DOCK3: variants seen among roughly 807,000 people sequenced by gnomAD.
DOCK3 encodes dedicator of cytokinesis protein 3.
In DOCK3, 60 loss-of-function variants were observed where a neutral mutation model predicts 265.6. The observed-to-expected ratio is 0.23, with a 90% CI of 0.18 to 0.28. The LOEUF is 0.28. DOCK3 is among the 10% of genes least tolerant of loss of function. The pLI, the probability that DOCK3 is intolerant of heterozygous loss-of-function variation, is 1.00. For synonymous variants in DOCK3, 881 were observed against 938.0 expected, an observed-to-expected ratio of 0.94 and a Z score of 1.11; for missense variants, 1,981 against 2,594.3, an observed-to-expected ratio of 0.76 and a Z score of 5.14.
intron 3 of DOCK3, among the ~76,000 whole-genome samples, chr3:50,854,133 T>G (rs569765456): frequency 6.6e-6 from 1 of 152,246 alleles, no homozygotes; most frequent in East Asian, 1.9e-4. Flanking sequence ...TCTATTCATG[T>G]CCTCTGCTCA....
intron 2 of DOCK3, among the ~76,000 whole-genome samples, chr3:50,820,150 G>A (rs1230640242): frequency 2.0e-5 from 3 of 152,146 alleles, no homozygotes; most frequent in African/African-American, 7.2e-5. Flanking sequence ...AGCCCATGCC[G>A]CTGCTCTGTC....
At chr3:51,317,416 T>C (rs537706849) in intron 32 of DOCK3, among the ~76,000 whole-genome samples, 2 of 150,960 alleles carry the variant, frequency 1.3e-5, no homozygotes, top group East Asian at 3.9e-4. Flanking sequence ...TTAATAATAA[T>C]GTATTGTACA....
chr3:50,711,123 C>CT (rs947479087), intron 1 of DOCK3, among the ~76,000 whole-genome samples: 6 of 152,084 alleles, frequency 3.9e-5, no homozygotes, highest in Admixed American at 1.3e-4. Context: ...AGGCCACTGG[C>CT]TTTTTTCTTG....
chr3:50,798,627 G>A (rs1296683451), intron 2 of DOCK3, among the ~76,000 whole-genome samples: 1 of 151,826 alleles, frequency 6.6e-6, no homozygotes, highest in East Asian at 1.9e-4. Context: ...GTATATTTTG[G>A]TTATTAAGTC....
chr3:51,028,788 T>C (rs990755210), intron 5 of DOCK3, among the ~76,000 whole-genome samples: 5 of 152,188 alleles, frequency 3.3e-5, no homozygotes, highest in Admixed American at 1.3e-4. Flanking sequence ...TTTTTTAATA[T>C]AGCTATGTTG....
At chr3:50,752,093 G>A (rs1357157342) in intron 1 of DOCK3, among the ~76,000 whole-genome samples, 6 of 151,886 alleles carry the variant, frequency 4.0e-5, no homozygotes, top group Non-Finnish European at 7.4e-5. Flanking sequence ...TTTCTTTTTT[G>A]TCTTTTCTTT....
intron 12 of DOCK3, among the ~76,000 whole-genome samples, chr3:51,188,608 C>T (rs2087756162): frequency 6.6e-6 from 1 of 152,190 alleles, no homozygotes; most frequent in Non-Finnish European, 1.5e-5. Flanking sequence ...CTCTTCCCAG[C>T]TTCTGTTATT....
intron 2 of DOCK3, chr3:50,787,015 C>T (rs2042218577): frequency 5.4e-6 from 4 of 741,340 alleles, no homozygotes; most frequent in African/African-American, 1.7e-5. Flanking sequence ...AGAATTTTTT[C>T]TCACAAATTT....
At chr3:51,049,693 C>T (rs1486928639) in intron 5 of DOCK3, among the ~76,000 whole-genome samples, 4 of 150,920 alleles carry the variant, frequency 2.7e-5, no homozygotes, top group Admixed American at 2.6e-4. Flanking sequence ...AACAAATAGA[C>T]AAGAAAAAGA....
chr3:51,009,349 G>A (rs1290357696), intron 5 of DOCK3, among the ~76,000 whole-genome samples: 1 of 152,088 alleles, frequency 6.6e-6, no homozygotes, highest in Non-Finnish European at 1.5e-5. Flanking sequence ...GTCTTGGGAG[G>A]ATGTATGTGT....
intron 1 of DOCK3, among the ~76,000 whole-genome samples, chr3:50,753,100 G>A (rs1047962776): frequency 6.6e-6 from 1 of 152,074 alleles, no homozygotes; most frequent in African/African-American, 2.4e-5. Context: ...ACGTTTTTTT[G>A]ATGAAATTCA....
At chr3:50,719,378 G>T in intron 1 of DOCK3, 1 of 441,282 alleles carries the variant, frequency 2.3e-6, no homozygotes, top group Non-Finnish European at 4.1e-6. Flanking sequence ...TGCAGCAAGA[G>T]CACAGTGATT....
intron 5 of DOCK3, among the ~76,000 whole-genome samples, chr3:51,045,835 T>C (rs2080756749): frequency 6.6e-6 from 1 of 152,210 alleles, no homozygotes; most frequent in Admixed American, 6.5e-5. Context: ...CAAGTCATTC[T>C]TACCATGAGC....
chr3:51,193,409 G>A (rs1176113243), intron 12 of DOCK3, among the ~76,000 whole-genome samples: 1 of 152,126 alleles, frequency 6.6e-6, no homozygotes, highest in Non-Finnish European at 1.5e-5. Flanking sequence ...CCTGGTTTTG[G>A]TATCAGAGTA....
At chr3:50,870,245 A>G (rs899013549) in intron 3 of DOCK3, among the ~76,000 whole-genome samples, 1 of 152,286 alleles carries the variant, frequency 6.6e-6, no homozygotes, top group African/African-American at 2.4e-5. Context: ...ATTAAAGTCT[A>G]TCTTTCTCTT....
chr3:50,929,010 G>A (rs977621313), intron 4 of DOCK3, among the ~76,000 whole-genome samples: 1 of 152,198 alleles, frequency 6.6e-6, no homozygotes, highest in African/African-American at 2.4e-5. Context: ...ATTTAAGGGA[G>A]GATAGGCTAA....
chr3:51,306,052 G>C (rs1487216022), intron 27 of DOCK3, among the ~76,000 whole-genome samples: 30 of 149,364 alleles, frequency 2.0e-4, no homozygotes, highest in African/African-American at 7.4e-4. Context: ...TTGTTGTAGA[G>C]ATGGGGTCTC....
In DOCK3 at chr3:51,073,369, C is replaced by T. The variant is rs141905262; in HGVS notation, c.465-1987C>T. Among the ~76,000 whole-genome samples the T allele has an allele frequency of 6.6e-3, 1,001 of 152,310 alleles. 3 individuals carry two copies. The highest frequency in any genetic ancestry group is 9.9e-3 in the Non-Finnish European group (675 of 68,028). On this transcript the variant is annotated intron_variant, in intron 6 of 52. Transcript: ENST00000266037. The stretch of plus-strand genomic sequence containing the variant: ...GGGTTAGAAAGGATGTACTGCACCT[C>T]GCTCTTGCACTCCGTGAACACTACT...
rs1169597143 is a variant in DOCK3, at chr3:50,813,033, A to G, written c.122-28642A>G. ...CATATTTCTAAGTCTGAGCCATGGTAAGAAAAAAATATACAAAAGCCATTG... is the reference window on the plus strand; with the variant it reads ...CATATTTCTAAGTCTGAGCCATGGTGAGAAAAAAATATACAAAAGCCATTG... On this transcript the variant is annotated intron_variant, in intron 2 of 52. Coordinates refer to ENST00000266037, the MANE Select transcript of DOCK3 (RefSeq NM_004947.5). Among the ~76,000 whole-genome samples the G allele has an allele frequency of 2.6e-5, 4 of 152,214 alleles. No individual in the cohort carries two copies. The East Asian group carries it at 7.7e-4, about 29-fold the overall frequency.
Sources: allele counts gnomAD v4.1 joint callset (sites outside exome capture counted in the v4.1 genomes callset), GRCh38; gene constraint gnomAD v4.1.1; transcripts MANE v1.5; gene names NCBI Gene and HGNC (gene_info 2026-07-23, HGNC 2026-07-21).